COL11A1: variants seen among roughly 807,000 people sequenced by gnomAD.
COL11A1 encodes the protein collagen alpha-1(XI) chain.
Under a neutral mutation model 265.2 loss-of-function variants are expected in COL11A1, and 74 were observed. That is an observed-to-expected ratio of 0.28 (90% confidence interval 0.23 to 0.34). The LOEUF is 0.34. Ranked by LOEUF, COL11A1 falls within the 10% of genes least tolerant of loss-of-function variation. The pLI, the probability that COL11A1 is intolerant of heterozygous loss-of-function variation, is 1.00. For missense variants in COL11A1, 2,165 were observed against 2,263.6 expected, an observed-to-expected ratio of 0.96 and a Z score of 0.88; for synonymous variants, 816 against 727.6, an observed-to-expected ratio of 1.12 and a Z score of -1.96.
chr1:102,900,005 A>G (rs1652983812), intron 54 of COL11A1, among the ~76,000 whole-genome samples: 1 of 152,102 alleles, frequency 6.6e-6, no homozygotes, highest in South Asian at 2.1e-4. Context: ...CTTCATCACA[A>G]TGTAATATCA....
At chr1:103,003,590 G>A (rs2622876) in intron 20 of COL11A1, among the ~76,000 whole-genome samples, 10,631 of 152,016 alleles carry the variant, frequency 0.07, 450 homozygotes, top group Middle Eastern at 0.18. Context: ...TTTGATTTCA[G>A]TGACAGCATC....
At chr1:102,920,698 TA>T (rs1655887575) in intron 48 of COL11A1, among the ~76,000 whole-genome samples, 1 of 152,144 alleles carries the variant, frequency 6.6e-6, no homozygotes, top group African/African-American at 2.4e-5. Context: ...GAATCAAAAT[TA>T]TGACACTGGT....
chr1:102,918,386 T>C (rs1297500717), intron 49 of COL11A1, among the ~76,000 whole-genome samples: 1 of 151,944 alleles, frequency 6.6e-6, no homozygotes, highest in Non-Finnish European at 1.5e-5. Context: ...TTACAGTACA[T>C]GAAGAACAGG....
chr1:102,929,102 C>A (rs1657030731), intron 46 of COL11A1, among the ~76,000 whole-genome samples: 1 of 144,892 alleles, frequency 6.9e-6, no homozygotes. Context: ...TTAATTAGAT[C>A]CCATTTGTCA....
chr1:102,961,851 T>C lies in COL11A1; in HGVS notation c.3168+15A>G, dbSNP rs1012281. The C allele has an allele frequency of 0.067, 107,052 of 1,606,974 alleles. 4,029 individuals are homozygous for C. The highest frequency in any genetic ancestry group is 0.077 in the Non-Finnish European group (90,359 of 1,174,038). On this transcript the variant is annotated intron_variant, in intron 41 of 66. Transcript: ENST00000370096. Reference sequence around the variant, plus strand: ...CAACCATGATTGTCTGGCTATTTATTATCATCATACTTACAACTGGACCTG... The same window carrying C: ...CAACCATGATTGTCTGGCTATTTATCATCATCATACTTACAACTGGACCTG...
chr1:103,034,134 C>T (rs1668184707), intron 4 of COL11A1, among the ~76,000 whole-genome samples: 1 of 152,028 alleles, frequency 6.6e-6, no homozygotes, highest in African/African-American at 2.4e-5. Flanking sequence ...TGAAGATTCT[C>T]TCATAGTCTT....
At position 103,001,012 on chromosome 1, in the gene COL11A1, C is replaced by A. The variant is rs1665050910; in HGVS notation, c.2142+913G>T. On this transcript the variant is annotated intron_variant, in intron 24 of 66. Transcript: ENST00000370096. ...CAGACATAAAGGTCACATACACATT[C>A]ATATGATTAAATCATAAATTTATTC... is the stretch of plus-strand genomic sequence containing the variant. The A allele has an allele frequency of 2.5e-5, 10 of 392,700 alleles. No homozygotes were observed. The Admixed American group carries it at 4.4e-4, about 17-fold the overall frequency. The allele number at this position is 392,700 out of a possible 1,614,324, so 24.3% of individuals were successfully genotyped here. A position where few individuals can be genotyped will look rare whatever the true frequency, so the allele number is the denominator to read the frequency against.
chr1:102,902,088 T>A (rs951993653), intron 54 of COL11A1, among the ~76,000 whole-genome samples: 1 of 152,202 alleles, frequency 6.6e-6, no homozygotes, highest in Non-Finnish European at 1.5e-5. Flanking sequence ...TGTGAGTTGA[T>A]GAGAGAGGGA....
At chr1:103,057,487 G>A (rs1670334544) in intron 4 of COL11A1, among the ~76,000 whole-genome samples, 1 of 152,142 alleles carries the variant, frequency 6.6e-6, no homozygotes, top group Non-Finnish European at 1.5e-5. Flanking sequence ...ATCTGGAATG[G>A]TGAATCTTTT....
chr1:102,989,527 T>C lies in COL11A1; in HGVS notation c.2385A>G (p.Lys795=). The stretch of plus-strand genomic sequence containing the variant: ...TTTTCTCTATACTTACTCTGTCACC[T>C]TTTAGACCCATGTCACCTTTGAATC... ...FPGFKGDMGL[K]GDRGEVGQIG... Residue 795 remains lysine, a synonymous_variant, in exon 29 of 67, where the codon AAA becomes AAG. Transcript: ENST00000370096. The C allele has an allele frequency of 6.2e-7, 1 of 1,608,794 alleles. No homozygotes were observed. The highest frequency in any genetic ancestry group is 8.5e-7 in the Non-Finnish European group (1 of 1,175,896).
intron 1 of COL11A1, among the ~76,000 whole-genome samples, chr1:103,091,983 T>A (rs1173952157): frequency 6.6e-6 from 1 of 152,136 alleles, no homozygotes; most frequent in Non-Finnish European, 1.5e-5. Context: ...GTAAATGTAT[T>A]TTCTTACAAT....
Position 103,005,911 on chromosome 1 carries a change from AT to A in COL11A1, c.1792-21del. The A allele has an allele frequency of 6.2e-7, 1 of 1,612,014 alleles. No homozygotes were observed. The highest frequency in any genetic ancestry group is 8.5e-7 in the Non-Finnish European group (1 of 1,178,272). On this transcript the variant is annotated intron_variant, in intron 17 of 66. Transcript: ENST00000370096. ...ATCTCCCTGTAAAACCATCATCATC[AT>A]CATCATCATCATCATCATCACAATT... is the stretch of plus-strand genomic sequence containing the variant.
intron 1 of COL11A1, among the ~76,000 whole-genome samples, chr1:103,101,970 G>A (rs1417306735): frequency 1.3e-5 from 2 of 152,028 alleles, no homozygotes; most frequent in Admixed American, 6.6e-5. Flanking sequence ...CAGTAGGTCT[G>A]GTGATCAGCC....
At chr1:103,089,530 C>T (rs1437853040) in intron 1 of COL11A1, among the ~76,000 whole-genome samples, 1 of 152,128 alleles carries the variant, frequency 6.6e-6, no homozygotes, top group African/African-American at 2.4e-5. Flanking sequence ...CTCTGTTAAG[C>T]ATGTAATTTA....
chr1:103,045,521 C>T (rs1669177011), intron 4 of COL11A1, among the ~76,000 whole-genome samples: 1 of 152,058 alleles, frequency 6.6e-6, no homozygotes, highest in Non-Finnish European at 1.5e-5. Flanking sequence ...ACAGTCAAAT[C>T]ATAAACAGAA....
intron 43 of COL11A1, among the ~76,000 whole-genome samples, chr1:102,939,684 C>T (rs374800416): frequency 1.7e-5 from 2 of 119,524 alleles, no homozygotes; most frequent in Admixed American, 9.7e-5. Context: ...GCCTGGGCGA[C>T]AAAAAAAGAC....
intron 57 of COL11A1, among the ~76,000 whole-genome samples, chr1:102,894,032 T>G (rs948138864): frequency 1.3e-5 from 2 of 152,152 alleles, no homozygotes; most frequent in Non-Finnish European, 2.9e-5. Flanking sequence ...TTTTTGAACA[T>G]AAATGCTGAA....
chr1:103,081,102 A>G (rs1308055330), intron 2 of COL11A1, among the ~76,000 whole-genome samples: 1 of 151,874 alleles, frequency 6.6e-6, no homozygotes, highest in African/African-American at 2.4e-5. Context: ...ATTATATGAG[A>G]CTGTATCATA....
At chr1:103,071,467 CTTTTTT>C (rs869263393) in intron 4 of COL11A1, among the ~76,000 whole-genome samples, 4 of 49,892 alleles carry the variant, frequency 8.0e-5, no homozygotes, top group East Asian at 6.2e-4. Flanking sequence ...GTTGGTAGGA[CTTTTTT>C]TTTTTTTTTT....
Sources: gnomAD v4.1 joint callset for allele counts (sites outside exome capture counted in the v4.1 genomes callset) on GRCh38, gnomAD v4.1.1 for gene constraint, MANE v1.5 for transcripts, NCBI Gene and HGNC (gene_info 2026-07-23, HGNC 2026-07-21) for gene names.